FAP: variants seen among roughly 807,000 people sequenced by gnomAD.
The protein encoded by FAP is prolyl endopeptidase FAP.
In FAP, 110 loss-of-function variants were observed where a neutral mutation model predicts 126.5. The ratio of observed to expected loss-of-function variants is 0.87; its 90% CI spans 0.74 to 1.02. The LOEUF (loss-of-function observed/expected upper bound fraction) is 1.02, where lower values mean the gene tolerates loss of function less well. FAP is among the 50% of genes least tolerant of loss of function. The pLI is 0.00. For missense variants in FAP, 919 were observed against 909.2 expected, an observed-to-expected ratio of 1.01 and a Z score of -0.14; for synonymous variants, 334 against 297.3, an observed-to-expected ratio of 1.12 and a Z score of -1.27.
rs62188186 is a variant in FAP at position 162,200,698 on chromosome 2, T to A, written c.1224-79A>T. ...TGTTAGTATTAATACTAATATAGTA[T>A]CAATATAGGTAAGCATTTATCTAAT... On this transcript the variant is annotated intron_variant, in intron 14 of 25. Transcript: ENST00000188790. 9,235 of 633,080 alleles carry A rather than the reference T, an allele frequency of 0.015. 118 individuals are homozygous for A. The highest frequency in any genetic ancestry group is 0.02 in the Non-Finnish European group (7,424 of 367,736). 39.2% of individuals were successfully genotyped at this position (633,080 alleles called of 1,614,324 possible).
intron 16 of FAP, 60 bp downstream of exon 16, chr2:162,198,697 T>A (rs540531517): frequency 6.3e-7 from 1 of 1,590,650 alleles, no homozygotes; most frequent in African/African-American, 1.3e-5. Context: ...CAGATAGAGG[T>A]GAGGAGGATG....
In FAP at chr2:162,242,463, C is replaced by A. The variant is rs568619880; in HGVS notation, c.91+445G>T. Among the ~76,000 whole-genome samples the A allele has an allele frequency of 1.5e-4, 23 of 152,258 alleles. No homozygotes were observed. In the South Asian group the frequency reaches 4.1e-3, roughly 27 times the overall value. On this transcript the variant is annotated intron_variant, in intron 2 of 25. Transcript: ENST00000188790. Reference sequence around the variant, plus strand: ...TTCCTGAGATCTGTATTCTCAACTTCCTCCCTAAATTTTTGGAAAGACTAT... The same window carrying A: ...TTCCTGAGATCTGTATTCTCAACTTACTCCCTAAATTTTTGGAAAGACTAT...
At chr2:162,198,239 T>C (rs910165393) in intron 16 of FAP, 1 of 1,289,872 alleles carries the variant, frequency 7.8e-7, no homozygotes, top group Non-Finnish European at 1.0e-6. Flanking sequence ...AAACTACAGT[T>C]TGAGGAATGA....
At chr2:162,218,282 A>G (rs1689235915) in intron 8 of FAP, 142 bp from the exon 9 acceptor site, 5 of 536,066 alleles carry the variant, frequency 9.3e-6, no homozygotes, top group Non-Finnish European at 6.3e-6. Context: ...TTATTAAAAA[A>G]TTACATAATC....
intron 21 of FAP, chr2:162,175,201 C>G: frequency 3.5e-6 from 1 of 285,068 alleles, no homozygotes; most frequent in Admixed American, 5.0e-5. Context: ...AGAACAGACC[C>G]TCTTAAAACA....
At chr2:162,178,792 T>C (rs968385539) in intron 21 of FAP, among the ~76,000 whole-genome samples, 1 of 152,224 alleles carries the variant, frequency 6.6e-6, no homozygotes, top group African/African-American at 2.4e-5. Context: ...ACTCCTATAC[T>C]GTCTAATACT....
intron 2 of FAP, among the ~76,000 whole-genome samples, chr2:162,233,960 G>C (rs1333064774): frequency 6.6e-6 from 1 of 152,054 alleles, no homozygotes; most frequent in East Asian, 1.9e-4. Flanking sequence ...ATCATTTGTT[G>C]AAAAGACTTT....
At chr2:162,224,578 A>G (rs140646862) in intron 4 of FAP, 38 bp from the exon 5 acceptor site, 3 of 1,253,346 alleles carry the variant, frequency 2.4e-6, no homozygotes, top group South Asian at 1.3e-5. Context: ...TACAGAAAAG[A>G]TAACAAAGAA....
chr2:162,219,399 A>G (rs1471174611), intron 7 of FAP, among the ~76,000 whole-genome samples: 2 of 152,182 alleles, frequency 1.3e-5, no homozygotes, highest in Non-Finnish European at 2.9e-5. Context: ...AATAAAGCCT[A>G]TTATTTTCTT....
intron 16 of FAP, among the ~76,000 whole-genome samples, chr2:162,195,502 T>C (rs1309465478): frequency 6.6e-6 from 1 of 151,486 alleles, no homozygotes; most frequent in Non-Finnish European, 1.5e-5. Context: ...AAGAGAAAAC[T>C]CTTCTCTTCT....
chr2:162,180,550 A>G (rs1323355154), intron 21 of FAP, among the ~76,000 whole-genome samples: 1 of 152,154 alleles, frequency 6.6e-6, no homozygotes, highest in African/African-American at 2.4e-5. Flanking sequence ...AAATGGAGAA[A>G]CTCAAACTAA....
At chr2:162,189,237 T>C (rs773770440) in intron 18 of FAP, 65 bp from the exon 19 acceptor site, 81 of 925,196 alleles carry the variant, frequency 8.8e-5, no homozygotes, top group Non-Finnish European at 1.3e-4. Context: ...TTTATTGTCT[T>C]TAATAACAAT....
chr2:162,232,153 GA>G lies in FAP; in HGVS notation c.92-5533del, dbSNP rs944772490. ...AAATTGGAACAAGACTGACAACTCT[GA>G]AAAAAAAAGTACATGAGGTGGCTTT... On this transcript the variant is annotated intron_variant, in intron 2 of 25. Coordinates refer to ENST00000188790, the MANE Select transcript of FAP (RefSeq NM_004460.5). Among the ~76,000 whole-genome samples, 5 of 150,598 alleles carry G rather than the reference GA, an allele frequency of 3.3e-5. No individual in the cohort carries two copies. The South Asian group carries it at 8.4e-4, about 25-fold the overall frequency.
At chr2:162,231,914 A>T (rs1001016621) in intron 2 of FAP, among the ~76,000 whole-genome samples, 1 of 152,180 alleles carries the variant, frequency 6.6e-6, no homozygotes, top group Non-Finnish European at 1.5e-5. Flanking sequence ...CTTGATTTGT[A>T]ATTGATGCAT....
chr2:162,189,117 G>T lies in FAP; in HGVS notation c.1605C>A (p.Pro535=). The change falls in exon 19 of 26, where the codon CCC becomes CCA. Residue 535 remains proline (P), a synonymous_variant. Transcript: ENST00000188790. The stretch of plus-strand genomic sequence containing the variant: ...ATATTACATACACTTGAATTAGCAA[G>T]GGATACTTCTTTGATCTGTCAAATT... ...PPQFDRSKKY[P]LLIQVYGGPC... is the part of the protein sequence containing the mutation. The T allele has an allele frequency of 1.3e-6, 2 of 1,596,386 alleles. No individual in the cohort carries two copies. The highest frequency in any genetic ancestry group is 1.1e-5 in the South Asian group (1 of 89,106).
chr2:162,174,785 A>T, intron 22 of FAP, 82 bp downstream of exon 22: 2 of 937,110 alleles, frequency 2.1e-6, no homozygotes, highest in Non-Finnish European at 3.4e-6. Flanking sequence ...TTTACTGCAT[A>T]ATCCATTTTT....
intron 11 of FAP, among the ~76,000 whole-genome samples, chr2:162,212,052 C>T (rs1688958379): frequency 6.6e-6 from 1 of 152,182 alleles, no homozygotes. Context: ...GTTATTCAAA[C>T]ATGATATTCT....
intron 20 of FAP, among the ~76,000 whole-genome samples, chr2:162,187,046 T>C (rs921389452): frequency 6.6e-6 from 1 of 152,092 alleles, no homozygotes; most frequent in African/African-American, 2.4e-5. Flanking sequence ...ACTTTTTTTT[T>C]AATTGAACAT....
chr2:162,206,780 G>A (rs1288167503), intron 12 of FAP, among the ~76,000 whole-genome samples: 3 of 152,112 alleles, frequency 2.0e-5, no homozygotes, highest in African/African-American at 7.2e-5. Context: ...AAGAAGTTAG[G>A]TTATTAATCC....
Sources: allele counts gnomAD v4.1 joint callset (sites outside exome capture counted in the v4.1 genomes callset), GRCh38; gene constraint gnomAD v4.1.1; transcripts MANE v1.5; gene names NCBI Gene and HGNC (gene_info 2026-07-23, HGNC 2026-07-21).